ZMAT1: variants seen among roughly 807,000 people sequenced by gnomAD.
ZMAT1 encodes zinc finger matrin-type 1, also known as zinc finger matrin-type protein 1.
In ZMAT1, 11 loss-of-function variants were observed where a neutral mutation model predicts 18.5. The observed-to-expected ratio is 0.59, with a 90% CI of 0.37 to 0.98. The LOEUF (loss-of-function observed/expected upper bound fraction) is 0.98. ZMAT1 is among the 50% of genes least tolerant of loss of function. The pLI is 0.01. For missense variants in ZMAT1, 525 were observed against 496.2 expected (o/e 1.06, Z -0.55); for synonymous variants, 211 against 176.4 (o/e 1.20, Z -1.55).
intron 4 of ZMAT1, among the ~76,000 whole-genome samples, chrX:101,895,579 A>G (rs1057055803): frequency 4.5e-5 from 5 of 111,407 alleles, no homozygotes; most frequent in Non-Finnish European, 9.4e-5. Flanking sequence ...GTTTTGGGAT[A>G]ATTTTATGTT....
chrX:101,885,158 G>A (rs776122583), intron 5 of ZMAT1, among the ~76,000 whole-genome samples: 13 of 110,466 alleles, frequency 1.2e-4, no homozygotes, highest in Non-Finnish European at 1.9e-4. Context: ...AAGGGAAGAC[G>A]GGTATAAAGT....
intron 4 of ZMAT1, chrX:101,892,712 C>T: frequency 1.3e-6 from 1 of 747,065 alleles, no homozygotes; most frequent in Non-Finnish European, 1.6e-6. Flanking sequence ...TACTTTAGTT[C>T]CATATCGTTA....
intron 5 of ZMAT1, 144 bp from the exon 6 acceptor site, chrX:101,884,965 C>T (rs775359769): frequency 7.0e-5 from 28 of 400,312 alleles, no homozygotes; most frequent in Admixed American, 5.4e-4. Flanking sequence ...ATTATAAAAG[C>T]TATAAATTGT....
intron 4 of ZMAT1, among the ~76,000 whole-genome samples, chrX:101,896,302 T>C (rs2147607448): frequency 8.9e-6 from 1 of 112,142 alleles, no homozygotes; most frequent in East Asian, 2.8e-4. Context: ...ATCTATGCAG[T>C]TGTTTAAGAC....
chrX:101,901,138 T>C lies in ZMAT1; in HGVS notation c.400-2918A>G, dbSNP rs192186810. Among the ~76,000 whole-genome samples the C allele has an allele frequency of 2.4e-3, 272 of 111,627 alleles. 4 individuals carry two copies. Among genetic ancestry groups the C allele is most frequent in the Non-Finnish European group, 3.2e-3 (170 of 53,091 alleles). ...CGCTGTTGGTGTATAGAAGAGCTAC[T>C]GATTTGTGTACATTAATCTTGTATC... On this transcript the variant is annotated intron_variant, in intron 2 of 5. Transcript: ENST00000651725.
intron 1 of ZMAT1, among the ~76,000 whole-genome samples, chrX:101,921,616 C>T (rs1378113196): frequency 8.9e-6 from 1 of 111,944 alleles, no homozygotes; most frequent in Non-Finnish European, 1.9e-5. Context: ...TGACTAAGAA[C>T]ATATCACAGC....
At chrX:101,926,285 T>C (rs1051567830) in intron 1 of ZMAT1, among the ~76,000 whole-genome samples, 1 of 112,247 alleles carries the variant, frequency 8.9e-6, no homozygotes, top group African/African-American at 3.2e-5. Flanking sequence ...CCTTCAATGA[T>C]ATAAAAAGCA....
At position 101,897,917 on chromosome X, in the gene ZMAT1, T is replaced by C; in HGVS notation, c.627A>G (p.Leu209=). Residue 209 remains leucine (L), a synonymous_variant, in exon 4 of 6, where the codon TTA becomes TTG. Coordinates refer to ENST00000651725, the MANE Select transcript of ZMAT1 (RefSeq NM_001394560.1). ...GKVHAKKLKQ[L]MEEHDQASPS... is the part of the protein sequence containing the mutation. ...GAGATGCCTGATCATGTTCCTCCAT[T>C]AATTGCTTCAGTTTTTTAGCATGGA... The C allele has an allele frequency of 8.3e-7, 1 of 1,211,500 alleles. No individual in the cohort carries two copies. The highest frequency in any genetic ancestry group is 1.8e-5 in the South Asian group (1 of 56,917).
At chrX:101,921,540 A>G (rs1382136634) in intron 1 of ZMAT1, among the ~76,000 whole-genome samples, 1 of 112,022 alleles carries the variant, frequency 8.9e-6, no homozygotes, top group Non-Finnish European at 1.9e-5. Context: ...AATCACTTTA[A>G]TACTGTAATA....
chrX:101,888,612 G>A (rs749626440), intron 4 of ZMAT1: 2 of 112,027 alleles, frequency 1.8e-5, no homozygotes, highest in East Asian at 5.7e-4. Context: ...TTGAGCACTT[G>A]CCCTAGATCA....
In ZMAT1 at chrX:101,883,474, T is replaced by A. The variant is rs752189073; in HGVS notation, c.*36A>T. 9.2e-7 allele frequency: 1 copy of A among 1,090,812 alleles called. No individual in the cohort carries two copies. The highest frequency in any genetic ancestry group is 3.0e-5 in the Admixed American group (1 of 33,208). 89.9% of individuals were successfully genotyped at this position (1,090,812 alleles called of 1,213,427 possible). A position where few individuals can be genotyped will look rare whatever the true frequency, so the allele number is the denominator to read the frequency against. ...CTAAATCCATATTGACTGTTTTTTT[T>A]TTTCAATTCAACCTTGGGTAAACAA... On this transcript the variant is annotated 3_prime_UTR_variant, in exon 6 of 6. Transcript: ENST00000651725.
At chrX:101,904,767 A>C (rs1928487000) in intron 1 of ZMAT1, among the ~76,000 whole-genome samples, 1 of 110,580 alleles carries the variant, frequency 9.0e-6, no homozygotes, top group Non-Finnish European at 1.9e-5. Context: ...ACATAGCAAG[A>C]CACAATCTCT....
At chrX:101,905,957 G>A (rs1460879260) in intron 1 of ZMAT1, among the ~76,000 whole-genome samples, 1 of 110,485 alleles carries the variant, frequency 9.1e-6, no homozygotes, top group Non-Finnish European at 1.9e-5. Context: ...GAAATAAGGT[G>A]CATTCAAGAA....
At chrX:101,930,564 G>A (rs1348747979) in intron 1 of ZMAT1, among the ~76,000 whole-genome samples, 3 of 112,284 alleles carry the variant, frequency 2.7e-5, no homozygotes, top group African/African-American at 9.7e-5. Context: ...ATGTGAAGAA[G>A]AGATTATTTT....
chrX:101,930,288 T>C (rs1008684604), intron 1 of ZMAT1, among the ~76,000 whole-genome samples: 1 of 112,199 alleles, frequency 8.9e-6, no homozygotes, highest in Non-Finnish European at 1.9e-5. Flanking sequence ...TAAAGGTTGA[T>C]ATAAATTTTT....
intron 1 of ZMAT1, among the ~76,000 whole-genome samples, chrX:101,906,809 T>C (rs1357983080): frequency 9.1e-6 from 1 of 110,357 alleles, no homozygotes; most frequent in Non-Finnish European, 1.9e-5. Flanking sequence ...GGCATTGGGC[T>C]AGCATCCACA....
At chrX:101,927,281 T>A (rs1255187847) in intron 1 of ZMAT1, among the ~76,000 whole-genome samples, 3 of 111,378 alleles carry the variant, frequency 2.7e-5, no homozygotes, top group African/African-American at 9.9e-5. Flanking sequence ...GTTTTAACTC[T>A]TTTTCCCCTA....
intron 1 of ZMAT1, among the ~76,000 whole-genome samples, chrX:101,921,950 T>C (rs190742965): frequency 1.8e-5 from 2 of 111,757 alleles, no homozygotes; most frequent in East Asian, 5.6e-4. Context: ...CTTTTTGATC[T>C]AGAACTGGTT....
intron 2 of ZMAT1, among the ~76,000 whole-genome samples, chrX:101,900,878 T>C (rs1167506679): frequency 3.6e-5 from 4 of 111,821 alleles, no homozygotes; most frequent in Non-Finnish European, 7.5e-5. Flanking sequence ...ACTGAATTTG[T>C]AGATTGCTTT....
Sources: gnomAD v4.1 joint callset for allele counts (sites outside exome capture counted in the v4.1 genomes callset) on GRCh38, gnomAD v4.1.1 for gene constraint, MANE v1.5 for transcripts, NCBI Gene and HGNC (gene_info 2026-07-23, HGNC 2026-07-21) for gene names.